Variants in HS3ST4 observed in about 807,000 individuals in gnomAD.
The protein encoded by HS3ST4 is heparan sulfate glucosamine 3-O-sulfotransferase 4.
Under a neutral mutation model 29.2 loss-of-function variants are expected in HS3ST4, and 17 were observed. That is an observed-to-expected ratio of 0.58 (90% CI 0.40 to 0.87). The LOEUF (loss-of-function observed/expected upper bound fraction) is 0.87. HS3ST4 is among the 40% of genes least tolerant of loss of function. HS3ST4 has a pLI of 0.00. For synonymous variants in HS3ST4, 314 were observed against 285.7 expected, an observed-to-expected ratio of 1.10 and a Z score of -1.00; for missense variants, 627 against 634.5, an observed-to-expected ratio of 0.99 and a Z score of 0.13.
At position 26,119,896 on chromosome 16, in the gene HS3ST4, A is replaced by G. The variant is rs377510504; in HGVS notation, c.735-15716A>G. On this transcript the variant is annotated intron_variant, in intron 1 of 1. Coordinates refer to ENST00000331351, the MANE Select transcript of HS3ST4 (RefSeq NM_006040.3). The stretch of plus-strand genomic sequence containing the variant: ...GAACATATGAACAAGGTAATTTCAG[A>G]TAACAGCAAGCCGTAGGAAATGATC... 7.2e-4 allele frequency among the ~76,000 whole-genome samples: 110 copies of G among 152,280 alleles called. 5 individuals are homozygous for G. The South Asian group carries it at 0.022, about 31-fold the overall frequency.
chr16:26,111,684 A>G (rs1323643878), intron 1 of HS3ST4, among the ~76,000 whole-genome samples: 1 of 152,120 alleles, frequency 6.6e-6, no homozygotes, highest in Non-Finnish European at 1.5e-5. Context: ...AGATTTTTAT[A>G]TCCTTTTTAA....
At chr16:25,829,055 A>G (rs1159506073) in intron 1 of HS3ST4, among the ~76,000 whole-genome samples, 1 of 152,226 alleles carries the variant, frequency 6.6e-6, no homozygotes, top group Non-Finnish European at 1.5e-5. Flanking sequence ...AGAGGCAATC[A>G]CGTTATCTTT....
intron 1 of HS3ST4, among the ~76,000 whole-genome samples, chr16:25,750,177 A>G (rs1421801544): frequency 2.0e-5 from 3 of 152,092 alleles, no homozygotes; most frequent in African/African-American, 7.2e-5. Flanking sequence ...GTCACCTGGG[A>G]TGGTTGATTG....
intron 1 of HS3ST4, among the ~76,000 whole-genome samples, chr16:25,742,192 C>T (rs546495083): frequency 3.3e-5 from 5 of 152,186 alleles, no homozygotes; most frequent in African/African-American, 4.8e-5. Flanking sequence ...ACTGCCAAAC[C>T]GGCGCCTTGA....
In HS3ST4 at chr16:25,792,570, T is replaced by G. The variant is rs1302717169; in HGVS notation, c.734+99419T>G. Among the ~76,000 whole-genome samples, 9 of 151,972 alleles carry G rather than the reference T, an allele frequency of 5.9e-5. No homozygotes were observed. In the East Asian group the frequency reaches 1.7e-3, roughly 29 times the overall value. On this transcript the variant is annotated intron_variant, in intron 1 of 1. Transcript: ENST00000331351. ...AGAATATTTTTTATTGATTTGAATT[T>G]TCAAATACATGGGAATAAATTTCTA...
At chr16:25,807,193 C>G (rs556236294) in intron 1 of HS3ST4, among the ~76,000 whole-genome samples, 1 of 152,114 alleles carries the variant, frequency 6.6e-6, no homozygotes, top group Non-Finnish European at 1.5e-5. Context: ...GGGCTGGTCT[C>G]GAACTCCTGA....
chr16:25,868,889 T>C (rs1967721792), intron 1 of HS3ST4, among the ~76,000 whole-genome samples: 1 of 152,142 alleles, frequency 6.6e-6, no homozygotes, highest in Admixed American at 6.5e-5. Context: ...CCTGGTAGGA[T>C]GATGCTTCTA....
chr16:25,917,765 T>C (rs2141681336), intron 1 of HS3ST4, among the ~76,000 whole-genome samples: 1 of 152,372 alleles, frequency 6.6e-6, no homozygotes, highest in African/African-American at 2.4e-5. Context: ...TTTGAAATTA[T>C]TAAGCTTCTT....
At position 25,875,818 on chromosome 16, in the gene HS3ST4, C is replaced by G. The variant is rs144909754; in HGVS notation, c.734+182667C>G. 7.2e-4 allele frequency among the ~76,000 whole-genome samples: 109 copies of G among 152,146 alleles called. 1 individual carries two copies. In the East Asian group the frequency reaches 0.017, roughly 24 times the overall value. The stretch of plus-strand genomic sequence containing the variant: ...ATTGCCAGGTGTGTGATCCAGAAAC[C>G]CAAGGACCATGGGCTCCTCCAGCTG... On this transcript the variant is annotated intron_variant, in intron 1 of 1. Coordinates refer to ENST00000331351, the MANE Select transcript of HS3ST4 (RefSeq NM_006040.3).
At chr16:26,039,755 T>C (rs1443731486) in intron 1 of HS3ST4, among the ~76,000 whole-genome samples, 1 of 152,180 alleles carries the variant, frequency 6.6e-6, no homozygotes. Context: ...TCCTATCCTC[T>C]GGTAGCCATC....
chr16:26,086,865 A>T (rs1898795821), intron 1 of HS3ST4, among the ~76,000 whole-genome samples: 1 of 151,988 alleles, frequency 6.6e-6, no homozygotes, highest in South Asian at 2.1e-4. Flanking sequence ...TGACAACCTG[A>T]TCTTGATTTT....
rs1484666375 is a variant in HS3ST4 at position 26,019,418 on chromosome 16, G to A, written c.735-116194G>A. On this transcript the variant is annotated intron_variant, in intron 1 of 1. Coordinates refer to ENST00000331351, the MANE Select transcript of HS3ST4 (RefSeq NM_006040.3). ...TAATCCAAGTGCCTTTTTTACATCC[G>A]TAATTGAATGGTTTACTTTATTATT... is the stretch of plus-strand genomic sequence containing the variant. 3.3e-5 allele frequency among the ~76,000 whole-genome samples: 5 copies of A among 151,862 alleles called. No individual in the cohort carries two copies. In the South Asian group the frequency reaches 6.4e-4, roughly 19 times the overall value.
intron 1 of HS3ST4, among the ~76,000 whole-genome samples, chr16:25,918,900 G>A (rs1419134826): frequency 6.6e-6 from 1 of 152,232 alleles, no homozygotes; most frequent in Non-Finnish European, 1.5e-5. Context: ...ACATGGGACA[G>A]CCAGGCTGCA....
At chr16:25,843,237 G>A (rs996421073) in intron 1 of HS3ST4, among the ~76,000 whole-genome samples, 7 of 152,012 alleles carry the variant, frequency 4.6e-5, no homozygotes, top group Non-Finnish European at 8.8e-5. Flanking sequence ...AAGCGGTTCT[G>A]CCTGGGTTTA....
intron 1 of HS3ST4, among the ~76,000 whole-genome samples, chr16:26,091,787 G>A (rs1898860325): frequency 6.6e-6 from 1 of 152,094 alleles, no homozygotes; most frequent in South Asian, 2.1e-4. Context: ...TTACTCATAG[G>A]GAATTCAAAA....
chr16:25,989,458 C>A (rs1206194133), intron 1 of HS3ST4, among the ~76,000 whole-genome samples: 1 of 152,136 alleles, frequency 6.6e-6, no homozygotes, highest in Non-Finnish European at 1.5e-5. Context: ...AAGGAAAGGT[C>A]CGATGGATTT....
intron 1 of HS3ST4, among the ~76,000 whole-genome samples, chr16:25,842,973 T>A (rs566712519): frequency 5.9e-5 from 9 of 152,272 alleles, no homozygotes; most frequent in Non-Finnish European, 1.3e-4. Context: ...CCAATAAACA[T>A]AAGTTATTTA....
At chr16:25,790,147 C>T (rs1222023537) in intron 1 of HS3ST4, among the ~76,000 whole-genome samples, 1 of 150,022 alleles carries the variant, frequency 6.7e-6, no homozygotes, top group Non-Finnish European at 1.5e-5. Context: ...ATGGTTCATG[C>T]CTGTAATCCC....
chr16:25,750,758 G>C (rs1292833944), intron 1 of HS3ST4, among the ~76,000 whole-genome samples: 2 of 152,170 alleles, frequency 1.3e-5, no homozygotes, highest in Admixed American at 6.5e-5. Context: ...GTGTATGCCT[G>C]CATAGTATCA....
Sources: gnomAD v4.1 joint callset for allele counts (sites outside exome capture counted in the v4.1 genomes callset) on GRCh38, gnomAD v4.1.1 for gene constraint, MANE v1.5 for transcripts, NCBI Gene and HGNC (gene_info 2026-07-23, HGNC 2026-07-21) for gene names.